LRRC7: variants seen among roughly 807,000 people sequenced by gnomAD.
LRRC7 encodes the protein leucine rich repeat containing 7.
Under a neutral mutation model 175.7 loss-of-function variants are expected in LRRC7, and 23 were observed. That is an observed-to-expected ratio of 0.13 (90% CI 0.09 to 0.19). LRRC7 has a LOEUF of 0.19. Ranked by LOEUF, LRRC7 falls within the 10% of genes least tolerant of loss-of-function variation. The pLI is 1.00. For missense variants in LRRC7, 1,354 were observed against 1,904.7 expected, an observed-to-expected ratio of 0.71 and a Z score of 5.38; for synonymous variants, 685 against 680.9, an observed-to-expected ratio of 1.01 and a Z score of -0.09.
At position 69,900,485 on chromosome 1, in the gene LRRC7, CAGTT is replaced by C. The variant is rs539091820; in HGVS notation, c.648-31021_648-31018del. Among the ~76,000 whole-genome samples the C allele has an allele frequency of 2.6e-4, 39 of 152,192 alleles. 1 individual carries two copies. In the South Asian group the frequency reaches 6.4e-3, roughly 25 times the overall value. On this transcript the variant is annotated intron_variant, in intron 7 of 26. Coordinates refer to ENST00000651989, the MANE Select transcript of LRRC7 (RefSeq NM_001370785.2). ...TTGATCAGCTTCAGAGGAGAGCTCTCAGTTGGTTGCATACAAATCAAGAGTGTTG... is the reference window on the plus strand; with the variant it reads ...TTGATCAGCTTCAGAGGAGAGCTCTCGGTTGCATACAAATCAAGAGTGTTG...
rs528439527 is a variant in LRRC7 at position 69,850,834 on chromosome 1, A to C, written c.647+12551A>C. Among the ~76,000 whole-genome samples, 4 of 152,296 alleles carry C rather than the reference A, an allele frequency of 2.6e-5. No individual in the cohort carries two copies. In the East Asian group the frequency reaches 7.7e-4, roughly 29 times the overall value. On this transcript the variant is annotated intron_variant, in intron 7 of 26. Transcript: ENST00000651989. ...AACAATCAGCTGTTGGTGGCTAGAT[A>C]CATAAATCATCTGCTCAGGGAGATA...
intron 23 of LRRC7, among the ~76,000 whole-genome samples, chr1:70,067,082 T>C (rs762847867): frequency 9.2e-5 from 14 of 152,120 alleles, no homozygotes; most frequent in Non-Finnish European, 2.1e-4. Context: ...ATATCCTCTT[T>C]GGTAAAATGT....
chr1:69,772,256 G>A (rs183431946), intron 3 of LRRC7, among the ~76,000 whole-genome samples: 197 of 152,284 alleles, frequency 1.3e-3, no homozygotes, highest in Non-Finnish European at 8.7e-4. Flanking sequence ...GAATGACAGC[G>A]AGGGGTCAAC....
intron 4 of LRRC7, among the ~76,000 whole-genome samples, chr1:69,820,345 T>C (rs1025656508): frequency 1.3e-5 from 2 of 152,134 alleles, no homozygotes; most frequent in Non-Finnish European, 2.9e-5. Context: ...ACACACATTT[T>C]AGGTATTTGA....
intron 1 of LRRC7, among the ~76,000 whole-genome samples, chr1:69,673,899 A>C (rs2100585178): frequency 6.6e-6 from 1 of 152,282 alleles, no homozygotes; most frequent in South Asian, 2.1e-4. Flanking sequence ...GATGGAAGCA[A>C]AAATTTCAGT....
chr1:69,811,758 A>G (rs949740401), intron 4 of LRRC7, among the ~76,000 whole-genome samples: 2 of 151,786 alleles, frequency 1.3e-5, no homozygotes, highest in Non-Finnish European at 2.9e-5. Flanking sequence ...CATCACACAC[A>G]GGGGCCTGTT....
intron 8 of LRRC7, among the ~76,000 whole-genome samples, chr1:69,942,010 T>C (rs1019806117): frequency 6.6e-6 from 1 of 152,122 alleles, no homozygotes; most frequent in African/African-American, 2.4e-5. Flanking sequence ...ATTCTAAACC[T>C]TCTTTTTCCT....
chr1:69,774,215 G>T (rs998985741), intron 3 of LRRC7, among the ~76,000 whole-genome samples: 1 of 152,182 alleles, frequency 6.6e-6, no homozygotes, highest in Non-Finnish European at 1.5e-5. Context: ...TTCCCATGCT[G>T]CAGCCGGCTA....
At chr1:69,863,952 C>T (rs1684632454) in intron 7 of LRRC7, among the ~76,000 whole-genome samples, 1 of 152,130 alleles carries the variant, frequency 6.6e-6, no homozygotes, top group African/African-American at 2.4e-5. Flanking sequence ...TTTCTCTCCT[C>T]ATGCTGTATG....
At chr1:70,032,699 T>C (rs1463798246) in intron 18 of LRRC7, among the ~76,000 whole-genome samples, 1 of 152,138 alleles carries the variant, frequency 6.6e-6, no homozygotes, top group Non-Finnish European at 1.5e-5. Flanking sequence ...AAATTTTCCT[T>C]AAATTACTTT....
intron 10 of LRRC7, among the ~76,000 whole-genome samples, chr1:69,993,250 T>C (rs1329683267): frequency 6.6e-6 from 1 of 152,138 alleles, no homozygotes; most frequent in African/African-American, 2.4e-5. Context: ...CAGGTGATGT[T>C]GTTTTCAAGC....
At chr1:69,725,714 G>A (rs1056073985) in intron 2 of LRRC7, among the ~76,000 whole-genome samples, 36 of 152,172 alleles carry the variant, frequency 2.4e-4, no homozygotes, top group African/African-American at 8.4e-4. Flanking sequence ...GGCAAGAAGG[G>A]AACTTGTCAA....
intron 2 of LRRC7, among the ~76,000 whole-genome samples, chr1:69,737,391 TTGCCTTCCACCATGATTG>T (rs1668238939): frequency 6.6e-6 from 1 of 152,148 alleles, no homozygotes; most frequent in African/African-American, 2.4e-5. Flanking sequence ...TAATGATCCC[TTGCCTTCCACCATGATTG>T]TGAGGCCTCC....
chr1:69,889,666 G>C (rs940325233), intron 7 of LRRC7, among the ~76,000 whole-genome samples: 1 of 152,164 alleles, frequency 6.6e-6, no homozygotes, highest in African/African-American at 2.4e-5. Context: ...AATTAGCTAG[G>C]TGTGGTGTCA....
intron 2 of LRRC7, among the ~76,000 whole-genome samples, chr1:69,749,569 A>G (rs952620846): frequency 2.0e-5 from 3 of 152,198 alleles, no homozygotes; most frequent in African/African-American, 7.2e-5. Flanking sequence ...TCCAATTCTC[A>G]GGTTTCTGTA....
intron 8 of LRRC7, among the ~76,000 whole-genome samples, chr1:69,947,989 A>G (rs1177488956): frequency 3.3e-5 from 5 of 152,054 alleles, no homozygotes; most frequent in Admixed American, 2.0e-4. Flanking sequence ...TGATCTGTCA[A>G]CCTGATAACT....
intron 5 of LRRC7, among the ~76,000 whole-genome samples, chr1:69,830,283 G>C (rs956722338): frequency 6.6e-6 from 1 of 151,746 alleles, no homozygotes; most frequent in Non-Finnish European, 1.5e-5. Context: ...GTTATAAGTA[G>C]AGTGACCAAG....
At chr1:69,588,940 T>C (rs1002268263) in intron 1 of LRRC7, among the ~76,000 whole-genome samples, 1 of 152,036 alleles carries the variant, frequency 6.6e-6, no homozygotes, top group Admixed American at 6.6e-5. Context: ...TATGTTCTTC[T>C]TTCCTTCTTC....
At chr1:70,087,609 A>G (rs1049582222) in intron 24 of LRRC7, among the ~76,000 whole-genome samples, 3 of 152,188 alleles carry the variant, frequency 2.0e-5, no homozygotes, top group African/African-American at 7.2e-5. Context: ...ATATAAAAAT[A>G]CAAAGTATTA....
Sources: allele counts gnomAD v4.1 joint callset (sites outside exome capture counted in the v4.1 genomes callset), GRCh38; gene constraint gnomAD v4.1.1; transcripts MANE v1.5; gene names NCBI Gene and HGNC (gene_info 2026-07-23, HGNC 2026-07-21).